Variants in NPRL3 observed in about 807,000 individuals in gnomAD.
The protein encoded by NPRL3 is NPR3 like, GATOR1 complex subunit.
NPRL3 carries 23 observed loss-of-function variants against 57.2 expected under a neutral mutation model. That is an observed-to-expected ratio of 0.40 (90% CI 0.29 to 0.57). NPRL3 has a LOEUF of 0.57. NPRL3 is among the 20% of genes least tolerant of loss of function. The pLI is 0.42. For missense variants in NPRL3, 691 were observed against 767.1 expected (o/e 0.90, Z 1.17); for synonymous variants, 333 against 321.1 (o/e 1.04, Z -0.39).
intron 7 of NPRL3, among the ~76,000 whole-genome samples, chr16:103,296 A>ATTTTTTTTT (rs533871530): frequency 0.016 from 663 of 42,118 alleles, 149 homozygotes; most frequent in African/African-American, 0.027. Context: ...GCCTGGGGTG[A>ATTTTTTTTT]TTTTTTTTTT....
intron 5 of NPRL3, among the ~76,000 whole-genome samples, chr16:113,560 G>A (rs560055393): frequency 3.9e-5 from 6 of 152,324 alleles, no homozygotes; most frequent in African/African-American, 1.4e-4. Flanking sequence ...AGCCAAGGGT[G>A]GAGGCATGCA....
rs559114964 is a variant in NPRL3, at chr16:105,917, T to C, written c.629+4608A>G. ...TGGCACAAGTGTTGGGGTGGCCTCC[T>C]GAGCGATTCACATTCCCAGCCTATA... On this transcript the variant is annotated intron_variant, in intron 7 of 13. Coordinates refer to ENST00000611875, the MANE Select transcript of NPRL3 (RefSeq NM_001077350.3). Among the ~76,000 whole-genome samples, 4 of 152,318 alleles carry C rather than the reference T, an allele frequency of 2.6e-5. No homozygotes were observed. In the East Asian group the frequency reaches 7.7e-4, roughly 29 times the overall value.
chr16:123,041 G>C (rs1900349040), intron 3 of NPRL3, among the ~76,000 whole-genome samples: 1 of 152,114 alleles, frequency 6.6e-6, no homozygotes, highest in Non-Finnish European at 1.5e-5. Flanking sequence ...TAGCATCTAG[G>C]CCTGAGCATC....
rs189745193 is a variant in NPRL3, at chr16:131,887, T to C, written c.119-1296A>G. 2.7e-4 allele frequency among the ~76,000 whole-genome samples: 41 copies of C among 152,318 alleles called. No individual in the cohort carries two copies. In the East Asian group the frequency reaches 6.6e-3, roughly 24 times the overall value. The stretch of plus-strand genomic sequence containing the variant: ...AGAATTGGAAGCAATGCTCTCAAAC[T>C]GTACCACTGCTTTATCAACTAAGTT... On this transcript the variant is annotated intron_variant, in intron 2 of 13. Coordinates refer to ENST00000611875, the MANE Select transcript of NPRL3 (RefSeq NM_001077350.3).
At chr16:91,984 A>G (rs1898781934) in intron 11 of NPRL3, among the ~76,000 whole-genome samples, 1 of 152,042 alleles carries the variant, frequency 6.6e-6, no homozygotes, top group South Asian at 2.1e-4. Flanking sequence ...AGTTCATCCC[A>G]CAGACCTGCA....
intron 5 of NPRL3, 94 bp from the exon 6 acceptor site, chr16:112,869 A>C: frequency 8.2e-7 from 1 of 1,217,386 alleles, no homozygotes. Context: ...CACAGCAAAA[A>C]CTCAAACCAT....
chr16:87,100 C>T (rs944314050), intron 13 of NPRL3, among the ~76,000 whole-genome samples: 2 of 152,224 alleles, frequency 1.3e-5, no homozygotes, highest in African/African-American at 2.4e-5. Context: ...GGGTTCAGGA[C>T]GGCAGACGGC....
intron 2 of NPRL3, among the ~76,000 whole-genome samples, chr16:137,588 T>C (rs889379707): frequency 5.9e-5 from 9 of 151,626 alleles, no homozygotes; most frequent in Non-Finnish European, 1.3e-4. Context: ...CTTGCTCTGT[T>C]GCCCAGGCTG....
chr16:116,791 C>T (rs1388153132), intron 5 of NPRL3, among the ~76,000 whole-genome samples: 1 of 141,912 alleles, frequency 7.0e-6, no homozygotes, highest in Non-Finnish European at 1.5e-5. Flanking sequence ...GGCGAGACCC[C>T]CCCCCCCCAC....
At chr16:98,966 T>C (rs2141922055) in intron 8 of NPRL3, among the ~76,000 whole-genome samples, 1 of 152,026 alleles carries the variant, frequency 6.6e-6, no homozygotes, top group Admixed American at 6.6e-5. Flanking sequence ...CCTGCAAGGA[T>C]TATGTCACCC....
Position 125,076 on chromosome 16 carries a change from CAA to C in NPRL3, c.188+5444_188+5445del, listed in dbSNP as rs61016911. 3.0e-3 allele frequency: 200 copies of C among 66,892 alleles called. No individual in the cohort carries two copies. In the Middle Eastern group the frequency reaches 0.084, roughly 28 times the overall value. 4.1% of individuals were successfully genotyped at this position (66,892 alleles called of 1,614,324 possible). On this transcript the variant is annotated intron_variant, in intron 3 of 13. Coordinates refer to ENST00000611875, the MANE Select transcript of NPRL3 (RefSeq NM_001077350.3). The stretch of plus-strand genomic sequence containing the variant: ...TGGGCGACAGAGTGAAACTTTGTCT[CAA>C]AAAAAAAAAAAAAAAAAAACCTTTA...
chr16:99,535 CAG>C (rs1899176713), intron 8 of NPRL3, among the ~76,000 whole-genome samples: 1 of 150,526 alleles, frequency 6.6e-6, no homozygotes, highest in Admixed American at 6.6e-5. Context: ...CCCAGCTACT[CAG>C]GGGGCTGAGG....
chr16:103,002 G>C (rs1042532107), intron 7 of NPRL3, among the ~76,000 whole-genome samples: 1 of 152,168 alleles, frequency 6.6e-6, no homozygotes, highest in African/African-American at 2.4e-5. Flanking sequence ...GGGGATCCAG[G>C]TTACTCAACT....
At chr16:101,583 T>C (rs1181658560) in intron 7 of NPRL3, among the ~76,000 whole-genome samples, 1 of 152,188 alleles carries the variant, frequency 6.6e-6, no homozygotes, top group Non-Finnish European at 1.5e-5. Flanking sequence ...GCAAATCCCA[T>C]CTGCTCCACC....
chr16:96,883 AAGAC>A (rs932541269), intron 9 of NPRL3, among the ~76,000 whole-genome samples: 1 of 152,176 alleles, frequency 6.6e-6, no homozygotes, highest in Admixed American at 6.5e-5. Flanking sequence ...CTTACTCTCA[AAGAC>A]AGAATCCAAA....
At chr16:106,849 G>C (rs1359553044) in intron 7 of NPRL3, among the ~76,000 whole-genome samples, 1 of 152,098 alleles carries the variant, frequency 6.6e-6, no homozygotes, top group African/African-American at 2.4e-5. Context: ...CAGTGCAGAA[G>C]AGTGAGCAGC....
At chr16:93,800 AT>A (rs1241975315) in intron 9 of NPRL3, among the ~76,000 whole-genome samples, 6 of 152,166 alleles carry the variant, frequency 3.9e-5, no homozygotes, top group Non-Finnish European at 5.9e-5. Context: ...TGACCTCGTG[AT>A]CCACCCACCT....
intron 8 of NPRL3, among the ~76,000 whole-genome samples, chr16:99,674 A>G (rs1199756455): frequency 6.6e-6 from 1 of 150,748 alleles, no homozygotes; most frequent in Non-Finnish European, 1.5e-5. Flanking sequence ...TTAAGAAAGT[A>G]TATTTTGGGA....
intron 3 of NPRL3, among the ~76,000 whole-genome samples, chr16:127,693 T>C (rs563646786): frequency 8.4e-4 from 128 of 151,564 alleles, no homozygotes; most frequent in Admixed American, 2.1e-3. Context: ...CTCACTCTGT[T>C]GCCCAGGCTG....
Sources: gnomAD v4.1 joint callset for allele counts (sites outside exome capture counted in the v4.1 genomes callset) on GRCh38, gnomAD v4.1.1 for gene constraint, MANE v1.5 for transcripts, NCBI Gene and HGNC (gene_info 2026-07-23, HGNC 2026-07-21) for gene names.